Variants in CAT observed in about 807,000 individuals in gnomAD.
The protein encoded by CAT is catalase, also known as epididymis secretory sperm binding protein.
CAT carries 43 observed loss-of-function variants against 59.0 expected under a neutral mutation model. The ratio of observed to expected loss-of-function variants is 0.73; its 90% CI spans 0.57 to 0.94. The LOEUF (loss-of-function observed/expected upper bound fraction) is 0.94, where lower values mean the gene tolerates loss of function less well. Among genes scored for constraint, CAT ranks in the 40% least tolerant of loss-of-function variants. CAT has a pLI of 0.00. For synonymous variants in CAT, 218 were observed against 230.9 expected, an observed-to-expected ratio of 0.94 and a Z score of 0.51; for missense variants, 664 against 682.9, an observed-to-expected ratio of 0.97 and a Z score of 0.31.
Position 34,471,001 on chromosome 11 carries a change from T to C in CAT, c.1478T>C (p.Ile493Thr), listed in dbSNP as rs144800919. The C allele has an allele frequency of 2.6e-4, 426 of 1,614,204 alleles. 1 individual carries two copies. In the African/African-American group the frequency reaches 5.2e-3, roughly 20 times the overall value. The change falls in exon 12 of 13, where the codon ATC (isoleucine) becomes ACC (threonine). Residue 493 changes from isoleucine to threonine, a missense_variant. Physicochemically the swap from Ile to Thr is moderately conservative, Grantham distance 89 (BLOSUM62 -1). Coordinates refer to ENST00000241052, the MANE Select transcript of CAT (RefSeq NM_001752.4). ...GTCCACCCTGACTACGGGAGCCACA[T>C]CCAGGCTCTTCTGGACAAGTACAAT... ...TEVHPDYGSHIQALLDKYNAE... is the reference protein window; with the variant it reads ...TEVHPDYGSHTQALLDKYNAE...
At chr11:34,443,571 CT>C (rs34138762) in intron 1 of CAT, among the ~76,000 whole-genome samples, 16,967 of 145,474 alleles carry the variant, frequency 0.12, 1,793 homozygotes, top group African/African-American at 0.29. Context: ...AACCCATTTC[CT>C]TTTTTTTTTT....
At chr11:34,467,840 G>A (rs1018533161) in intron 10 of CAT, among the ~76,000 whole-genome samples, 1 of 151,958 alleles carries the variant, frequency 6.6e-6, no homozygotes. Context: ...GTATAAATGA[G>A]GTAGTTTTTT....
intron 11 of CAT, among the ~76,000 whole-genome samples, chr11:34,469,767 G>A (rs2284364): frequency 0.1 from 15,828 of 151,830 alleles, 924 homozygotes; most frequent in East Asian, 0.29. Context: ...CTGGGTTCAA[G>A]AGATTTTCCT....
intron 1 of CAT, among the ~76,000 whole-genome samples, chr11:34,448,686 T>C (rs907102856): frequency 1.2e-4 from 18 of 152,204 alleles, no homozygotes; most frequent in African/African-American, 3.9e-4. Flanking sequence ...AAAAGAGATG[T>C]TGCAAATAGC....
intron 1 of CAT, among the ~76,000 whole-genome samples, chr11:34,440,608 G>T (rs1590296813): frequency 6.6e-6 from 1 of 150,718 alleles, no homozygotes; most frequent in Middle Eastern, 3.4e-3. Flanking sequence ...TGTTGCCCAG[G>T]CTGGAGTGCA....
chr11:34,461,917 A>G (rs1856656438), intron 9 of CAT, among the ~76,000 whole-genome samples: 1 of 152,226 alleles, frequency 6.6e-6, no homozygotes, highest in Non-Finnish European at 1.5e-5. Flanking sequence ...AGAGTAGGGG[A>G]GGCAGAGCAA....
chr11:34,462,211 A>G (rs1411650627), intron 9 of CAT, among the ~76,000 whole-genome samples: 1 of 152,094 alleles, frequency 6.6e-6, no homozygotes, highest in Non-Finnish European at 1.5e-5. Context: ...AGTAATATAG[A>G]CTGCATGCAT....
At chr11:34,469,978 G>GT (rs372159779) in intron 11 of CAT, among the ~76,000 whole-genome samples, 35 of 152,116 alleles carry the variant, frequency 2.3e-4, no homozygotes, top group African/African-American at 7.2e-4. Context: ...GGTTGTATGG[G>GT]TTTTTTTCCC....
At chr11:34,460,484 T>A (rs536841070) in intron 8 of CAT, among the ~76,000 whole-genome samples, 1 of 150,464 alleles carries the variant, frequency 6.6e-6, no homozygotes, top group African/African-American at 2.5e-5. Context: ...GATCTTGCTT[T>A]GTTGCCCAGG....
At chr11:34,453,026 T>C (rs917625899) in intron 4 of CAT, 64 bp from the exon 5 acceptor site, 1 of 957,794 alleles carries the variant, frequency 1.0e-6, no homozygotes, top group African/African-American at 1.6e-5. Flanking sequence ...GCATATATAA[T>C]GAAAGACACC....
intron 4 of CAT, 66 bp downstream of exon 4, chr11:34,452,273 G>A (rs1349837420): frequency 1.3e-6 from 2 of 1,490,626 alleles, no homozygotes; most frequent in African/African-American, 1.4e-5. Flanking sequence ...AAATAGGTTG[G>A]CATTTGAGGA....
chr11:34,464,255 TG>T lies in CAT; in HGVS notation c.1326+21del. 1 of 1,612,014 alleles carries T rather than the reference TG, an allele frequency of 6.2e-7. No individual in the cohort carries two copies. Among genetic ancestry groups the T allele is most frequent in the East Asian group, 2.2e-5 (1 of 44,868 alleles). On this transcript the variant is annotated intron_variant, in intron 10 of 12. Coordinates refer to ENST00000241052, the MANE Select transcript of CAT (RefSeq NM_001752.4). ...ACTCAGGTAATGACTTCTCTTTATC[TG>T]CTATGGAAGTCACCTGCTAATTCTC...
chr11:34,457,980 A>C (rs747607982), intron 8 of CAT, among the ~76,000 whole-genome samples: 1 of 152,200 alleles, frequency 6.6e-6, no homozygotes, highest in African/African-American at 2.4e-5. Flanking sequence ...GTTTTTCATT[A>C]GTTTTTAGTC....
chr11:34,459,082 C>G (rs1363486430), intron 8 of CAT, among the ~76,000 whole-genome samples: 1 of 151,972 alleles, frequency 6.6e-6, no homozygotes, highest in African/African-American at 2.4e-5. Context: ...TGTTTCTAGC[C>G]TAGCTTTCCC....
chr11:34,456,276 A>G (rs572985083), intron 7 of CAT, 74 bp downstream of exon 7: 2 of 1,140,340 alleles, frequency 1.8e-6, no homozygotes, highest in East Asian at 2.5e-5. Context: ...AATCTAGTCA[A>G]ACAATTATAA....
chr11:34,451,970 T>A, intron 3 of CAT, 107 bp from the exon 4 acceptor site: 2 of 1,212,352 alleles, frequency 1.6e-6, no homozygotes, highest in Non-Finnish European at 2.4e-6. Flanking sequence ...ATTTAGTTCT[T>A]GGAAGTGGAT....
chr11:34,462,859 A>G (rs1856665892), intron 9 of CAT, among the ~76,000 whole-genome samples: 1 of 152,232 alleles, frequency 6.6e-6, no homozygotes, highest in African/African-American at 2.4e-5. Flanking sequence ...TTAAAAATTA[A>G]CTAGGCACAT....
chr11:34,455,935 T>A, intron 6 of CAT, 76 bp from the exon 7 acceptor site: 1 of 1,248,260 alleles, frequency 8.0e-7, no homozygotes. Context: ...CTCATAATCC[T>A]TCAATGAATT....
chr11:34,439,861 A>T (rs1856366505), intron 1 of CAT, among the ~76,000 whole-genome samples: 1 of 152,228 alleles, frequency 6.6e-6, no homozygotes, highest in South Asian at 2.1e-4. Flanking sequence ...AATAGAGGTT[A>T]TCTGTAGAAT....
Sources: allele counts gnomAD v4.1 joint callset (sites outside exome capture counted in the v4.1 genomes callset), GRCh38; gene constraint gnomAD v4.1.1; transcripts MANE v1.5; gene names NCBI Gene and HGNC (gene_info 2026-07-23, HGNC 2026-07-21).